The following PLCB1 variants were observed in gnomAD, a reference collection of about 807,000 sequenced individuals.
PLCB1 encodes the protein 1-phosphatidylinositol 4,5-bisphosphate phosphodiesterase beta-1.
PLCB1 carries 46 observed loss-of-function variants against 161.8 expected under a neutral mutation model. That is an observed-to-expected ratio of 0.28 (90% CI 0.22 to 0.36). The LOEUF is 0.36. PLCB1 is among the 10% of genes least tolerant of loss of function. PLCB1 has a pLI of 1.00. For missense variants in PLCB1, 1,016 were observed against 1,472.5 expected (o/e 0.69, Z 5.07); for synonymous variants, 517 against 503.7 (o/e 1.03, Z -0.35).
At chr20:8,864,637 G>T (rs1405915369) in intron 31 of PLCB1, among the ~76,000 whole-genome samples, 2 of 152,178 alleles carry the variant, frequency 1.3e-5, no homozygotes, top group Non-Finnish European at 2.9e-5. Context: ...AGTGGTATTG[G>T]CCATTCAATT....
chr20:8,492,316 G>A (rs1982980959), intron 3 of PLCB1, among the ~76,000 whole-genome samples: 2 of 151,918 alleles, frequency 1.3e-5, no homozygotes, highest in Admixed American at 1.3e-4. Context: ...TTGACTCTGT[G>A]TGTGAGTCAC....
At chr20:8,366,971 G>A (rs765269511) in intron 2 of PLCB1, among the ~76,000 whole-genome samples, 1 of 152,094 alleles carries the variant, frequency 6.6e-6, no homozygotes, top group Non-Finnish European at 1.5e-5. Context: ...AGGTTCTATG[G>A]GAGAACATCT....
At chr20:8,242,416 T>C (rs1341688482) in intron 2 of PLCB1, among the ~76,000 whole-genome samples, 3 of 151,964 alleles carry the variant, frequency 2.0e-5, no homozygotes, top group African/African-American at 7.2e-5. Context: ...AGGCAATGAT[T>C]AGTATTTGAA....
intron 3 of PLCB1, among the ~76,000 whole-genome samples, chr20:8,495,237 T>A (rs545496983): frequency 6.6e-6 from 1 of 152,284 alleles, no homozygotes; most frequent in Non-Finnish European, 1.5e-5. Context: ...TCATTATGTC[T>A]ATTTTATACT....
At chr20:8,550,675 G>A (rs1423052304) in intron 3 of PLCB1, among the ~76,000 whole-genome samples, 1 of 152,158 alleles carries the variant, frequency 6.6e-6, no homozygotes, top group African/African-American at 2.4e-5. Context: ...GGCCATCACA[G>A]TACCCTGAAT....
intron 2 of PLCB1, among the ~76,000 whole-genome samples, chr20:8,253,034 T>C (rs1981233930): frequency 6.6e-6 from 1 of 151,968 alleles, no homozygotes; most frequent in African/African-American, 2.4e-5. Context: ...AACAATAATA[T>C]GGTCTCCTGT....
chr20:8,810,085 T>G (rs1984738655), intron 31 of PLCB1, among the ~76,000 whole-genome samples: 1 of 152,216 alleles, frequency 6.6e-6, no homozygotes, highest in East Asian at 1.9e-4. Context: ...CCAGATTAAA[T>G]GTTATTTTCT....
At chr20:8,819,363 A>G (rs1250945407) in intron 31 of PLCB1, among the ~76,000 whole-genome samples, 3 of 152,168 alleles carry the variant, frequency 2.0e-5, no homozygotes, top group African/African-American at 7.2e-5. Flanking sequence ...CAAAAATCCT[A>G]TCTATGTGGT....
chr20:8,802,402 T>C, intron 31 of PLCB1: 1 of 454,396 alleles, frequency 2.2e-6, no homozygotes, highest in Non-Finnish European at 3.8e-6. Flanking sequence ...GACATAAATC[T>C]CATTCTTCCA....
In PLCB1 at chr20:8,523,467, T is replaced by G. The variant is rs1174673484; in HGVS notation, c.247-104827T>G. Among the ~76,000 whole-genome samples the G allele has an allele frequency of 7.0e-5, 4 of 57,488 alleles. No individual in the cohort carries two copies. In the East Asian group the frequency reaches 9.8e-4, roughly 14 times the overall value. 37.7% of individuals were successfully genotyped at this position (57,488 alleles called of 152,430 possible). A position where few individuals can be genotyped will look rare whatever the true frequency, so the allele number is the denominator to read the frequency against. The stretch of plus-strand genomic sequence containing the variant: ...GACAACAAATATATATATATTTGGC[T>G]CTCTCTCTCTCTCTCTCTCTCTCTC... On this transcript the variant is annotated intron_variant, in intron 3 of 31. Transcript: ENST00000338037.
chr20:8,821,072 A>G (rs1397334619), intron 31 of PLCB1, among the ~76,000 whole-genome samples: 1 of 152,198 alleles, frequency 6.6e-6, no homozygotes, highest in Non-Finnish European at 1.5e-5. Flanking sequence ...GTAGGTGTTT[A>G]TGCTTCAATG....
chr20:8,582,980 C>T (rs1986879452), intron 3 of PLCB1, among the ~76,000 whole-genome samples: 1 of 133,300 alleles, frequency 7.5e-6, no homozygotes. Flanking sequence ...CAGAGTGAGA[C>T]TCCATCTCAA....
intron 10 of PLCB1, among the ~76,000 whole-genome samples, chr20:8,695,165 A>G (rs530506294): frequency 1.9e-4 from 29 of 152,214 alleles, no homozygotes; most frequent in Non-Finnish European, 3.7e-4. Context: ...GAGAAAAGTT[A>G]TTATGCAGAC....
At chr20:8,288,022 A>G (rs1983204762) in intron 2 of PLCB1, among the ~76,000 whole-genome samples, 1 of 152,222 alleles carries the variant, frequency 6.6e-6, no homozygotes, top group Non-Finnish European at 1.5e-5. Context: ...GACATGTGCT[A>G]AACCAAAGAA....
At chr20:8,811,529 T>C (rs534211775) in intron 31 of PLCB1, among the ~76,000 whole-genome samples, 14 of 152,162 alleles carry the variant, frequency 9.2e-5, no homozygotes, top group Non-Finnish European at 1.9e-4. Context: ...GAAAAAGATA[T>C]TTCACCTACA....
At chr20:8,475,745 T>C (rs1225489046) in intron 3 of PLCB1, among the ~76,000 whole-genome samples, 2 of 152,330 alleles carry the variant, frequency 1.3e-5, no homozygotes, top group East Asian at 3.9e-4. Context: ...GAACAATGTT[T>C]GTATGAAGTA....
rs3222517 is a variant in PLCB1, at chr20:8,881,328, C to CGTGTGTGTGTGTGT, written c.3424-276_3424-263dup. ...ACTCTGACACCTTTTTCAAAAGACC[C>CGTGTGTGTGTGTGT]GTGTGTGTGTGTGTGTGTGTGTGTG... On this transcript the variant is annotated intron_variant, in intron 31 of 31. Coordinates refer to ENST00000338037, the MANE Select transcript of PLCB1 (RefSeq NM_015192.4). 2.1e-3 allele frequency among the ~76,000 whole-genome samples: 267 copies of CGTGTGTGTGTGTGT among 128,966 alleles called. 1 individual carries two copies. Among genetic ancestry groups the CGTGTGTGTGTGTGT allele is most frequent in the African/African-American group, 5.5e-3 (212 of 38,794 alleles). The allele number at this position is 128,966 out of a possible 152,430, so 84.6% of individuals were successfully genotyped here. A position where few individuals can be genotyped will look rare whatever the true frequency, so the allele number is the denominator to read the frequency against.
intron 31 of PLCB1, among the ~76,000 whole-genome samples, chr20:8,804,525 A>G (rs1426966176): frequency 6.6e-6 from 1 of 152,230 alleles, no homozygotes; most frequent in Non-Finnish European, 1.5e-5. Flanking sequence ...AAATCCCATT[A>G]TAGCATTTTA....
chr20:8,502,872 T>C (rs913672996), intron 3 of PLCB1, among the ~76,000 whole-genome samples: 12 of 152,210 alleles, frequency 7.9e-5, no homozygotes, highest in African/African-American at 2.9e-4. Flanking sequence ...TGTCTTGTGC[T>C]TTCTCATTTC....
Sources: allele counts gnomAD v4.1 joint callset (sites outside exome capture counted in the v4.1 genomes callset), GRCh38; gene constraint gnomAD v4.1.1; transcripts MANE v1.5; gene names NCBI Gene and HGNC (gene_info 2026-07-23, HGNC 2026-07-21).